The following XKR6 variants were observed in gnomAD, a reference collection of about 807,000 sequenced individuals.
XKR6 encodes the protein XK related 6, also known as XK-related protein 6.
XKR6 carries 22 observed loss-of-function variants against 56.7 expected under a neutral mutation model. The ratio of observed to expected loss-of-function variants is 0.39; its 90% CI spans 0.28 to 0.55. The LOEUF (loss-of-function observed/expected upper bound fraction) is 0.55, where lower values mean the gene tolerates loss of function less well. XKR6 is among the 20% of genes least tolerant of loss of function. The pLI, the probability that XKR6 is intolerant of heterozygous loss-of-function variation, is 0.66. For synonymous variants in XKR6, 524 were observed against 387.8 expected (o/e 1.35, Z -4.13); for missense variants, 852 against 889.0 (o/e 0.96, Z 0.53).
intron 1 of XKR6, among the ~76,000 whole-genome samples, chr8:10,980,000 T>C (rs1483358165): frequency 2.0e-5 from 3 of 152,242 alleles, no homozygotes; most frequent in African/African-American, 7.2e-5. Context: ...TGCCCCGTCC[T>C]GGCTCATGCC....
At chr8:11,198,714 T>C (rs1165891976) in intron 1 of XKR6, among the ~76,000 whole-genome samples, 1 of 152,204 alleles carries the variant, frequency 6.6e-6, no homozygotes, top group South Asian at 2.1e-4. Flanking sequence ...CCAGGACAGA[T>C]TCCATTAGAA....
At chr8:11,099,197 C>T (rs34891368) in intron 1 of XKR6, among the ~76,000 whole-genome samples, 50,784 of 152,042 alleles carry the variant, frequency 0.33, 10,736 homozygotes, top group East Asian at 0.69. Context: ...CTTCTCTTAG[C>T]TGGGTACAGC....
chr8:11,188,616 G>T (rs546843309), intron 1 of XKR6, among the ~76,000 whole-genome samples: 1 of 152,168 alleles, frequency 6.6e-6, no homozygotes, highest in Admixed American at 6.5e-5. Flanking sequence ...CTTCAGCTTT[G>T]AAGGCAAAGT....
chr8:11,118,637 G>A (rs1203265001), intron 1 of XKR6, among the ~76,000 whole-genome samples: 1 of 152,140 alleles, frequency 6.6e-6, no homozygotes, highest in Admixed American at 6.5e-5. Context: ...TTGTATTTCT[G>A]TGGGATCGGT....
chr8:11,083,335 G>A (rs935685579), intron 1 of XKR6, among the ~76,000 whole-genome samples: 5 of 152,080 alleles, frequency 3.3e-5, no homozygotes, highest in South Asian at 4.1e-4. Context: ...ACCGACCCAC[G>A]GTGCAATTTT....
At chr8:11,006,637 C>T (rs1798375050) in intron 1 of XKR6, among the ~76,000 whole-genome samples, 1 of 152,126 alleles carries the variant, frequency 6.6e-6, no homozygotes, top group South Asian at 2.1e-4. Context: ...GGGCCCAGGG[C>T]AGTGAGGCTT....
intron 1 of XKR6, among the ~76,000 whole-genome samples, chr8:11,079,180 G>A (rs561881324): frequency 1.3e-5 from 2 of 152,356 alleles, no homozygotes; most frequent in South Asian, 2.1e-4. Flanking sequence ...CTCTGGGCAG[G>A]AGATACCAGG....
chr8:11,101,036 A>C (rs1385794217), intron 1 of XKR6, among the ~76,000 whole-genome samples: 1 of 152,198 alleles, frequency 6.6e-6, no homozygotes, highest in Non-Finnish European at 1.5e-5. Context: ...ATCGGACGAA[A>C]GAGGCTGTCG....
intron 1 of XKR6, among the ~76,000 whole-genome samples, chr8:11,097,907 G>A (rs758427570): frequency 7.4e-5 from 11 of 149,618 alleles, no homozygotes; most frequent in Non-Finnish European, 1.3e-4. Context: ...TATAGTGTTA[G>A]TAACATCTAA....
chr8:11,113,294 T>A (rs369894755), intron 1 of XKR6, among the ~76,000 whole-genome samples: 2 of 152,192 alleles, frequency 1.3e-5, no homozygotes, highest in African/African-American at 4.8e-5. Flanking sequence ...GAGTTAAACA[T>A]AGTAACTGCC....
rs61021720 is a variant in XKR6 at position 11,024,204 on chromosome 8, G to GGTGTGTGT, written c.765-99382_765-99375dup. ...GTTGCAGACAACATACCTGTTAGGAGGTGTGTGTGTGTGTGTGTGTGTGTG... is the reference window on the plus strand; with the variant it reads ...GTTGCAGACAACATACCTGTTAGGAGGTGTGTGTGTGTGTGTGTGTGTGTGTGTGTGTG... On this transcript the variant is annotated intron_variant, in intron 1 of 2. Transcript: ENST00000416569. Among the ~76,000 whole-genome samples the GGTGTGTGT allele has an allele frequency of 9.4e-3, 1,290 of 136,876 alleles. 14 individuals are homozygous for GGTGTGTGT. The highest frequency in any genetic ancestry group is 0.033 in the East Asian group (131 of 3,980). The allele number at this position is 136,876 out of a possible 152,430, so 89.8% of individuals were successfully genotyped here.
intron 1 of XKR6, among the ~76,000 whole-genome samples, chr8:11,021,488 T>C (rs151162746): frequency 2.3e-3 from 355 of 152,286 alleles, no homozygotes; most frequent in African/African-American, 8.1e-3. Flanking sequence ...TATAAATGGA[T>C]AGTCATTTCT....
intron 1 of XKR6, among the ~76,000 whole-genome samples, chr8:11,136,380 C>T (rs528008699): frequency 2.0e-4 from 30 of 152,154 alleles, no homozygotes; most frequent in African/African-American, 5.3e-4. Flanking sequence ...GGCGGGTGCC[C>T]GCAATCCCAG....
chr8:11,064,371 G>A (rs1008382357), intron 1 of XKR6, among the ~76,000 whole-genome samples: 1 of 152,168 alleles, frequency 6.6e-6, no homozygotes, highest in African/African-American at 2.4e-5. Context: ...GTTTCATCCT[G>A]ACTCTTCTAC....
At chr8:11,016,481 G>C (rs1291636116) in intron 1 of XKR6, among the ~76,000 whole-genome samples, 2 of 152,210 alleles carry the variant, frequency 1.3e-5, no homozygotes, top group Admixed American at 6.5e-5. Flanking sequence ...GCTAGATCCT[G>C]AGCCCTCTGC....
chr8:11,115,064 C>T (rs922776141), intron 1 of XKR6, among the ~76,000 whole-genome samples: 4 of 152,032 alleles, frequency 2.6e-5, no homozygotes, highest in African/African-American at 9.7e-5. Context: ...CAAGTCTGGG[C>T]TATGATGCTA....
At chr8:10,907,999 T>A (rs1161412155) in intron 2 of XKR6, among the ~76,000 whole-genome samples, 3 of 152,216 alleles carry the variant, frequency 2.0e-5, no homozygotes, top group Non-Finnish European at 4.4e-5. Context: ...AATGTTTCCC[T>A]CCGCGTGGCT....
At chr8:11,024,286 T>C (rs1374203755) in intron 1 of XKR6, among the ~76,000 whole-genome samples, 2 of 149,386 alleles carry the variant, frequency 1.3e-5, no homozygotes, top group African/African-American at 4.9e-5. Flanking sequence ...TCCTTTCTCA[T>C]TTCATGACTT....
intron 1 of XKR6, among the ~76,000 whole-genome samples, chr8:11,126,867 C>T (rs963137461): frequency 6.6e-6 from 1 of 152,166 alleles, no homozygotes; most frequent in African/African-American, 2.4e-5. Flanking sequence ...ATGTTGGAAA[C>T]TGATATAAAC....
Sources: allele counts gnomAD v4.1 joint callset (sites outside exome capture counted in the v4.1 genomes callset), GRCh38; gene constraint gnomAD v4.1.1; transcripts MANE v1.5; gene names NCBI Gene and HGNC (gene_info 2026-07-23, HGNC 2026-07-21).